The following FAR1 variants were observed in gnomAD, a reference collection of about 807,000 sequenced individuals.
The protein encoded by FAR1 is male sterility domain-containing protein 2.
In FAR1, 22 loss-of-function variants were observed where a neutral mutation model predicts 61.1. The ratio of observed to expected loss-of-function variants is 0.36; its 90% confidence interval spans 0.26 to 0.51. FAR1 has a LOEUF of 0.51. Ranked by LOEUF, FAR1 falls within the 20% of genes least tolerant of loss-of-function variation. The probability of loss-of-function intolerance (pLI) is 0.95; values close to 1 mark genes in which losing one functional copy is unlikely to be tolerated. For missense variants in FAR1, 359 were observed against 626.9 expected, an observed-to-expected ratio of 0.57 and a Z score of 4.56; for synonymous variants, 206 against 209.7, an observed-to-expected ratio of 0.98 and a Z score of 0.15.
At chr11:13,673,969 T>G (rs553125266) in intron 1 of FAR1, among the ~76,000 whole-genome samples, 131 of 152,326 alleles carry the variant, frequency 8.6e-4, no homozygotes, top group African/African-American at 2.5e-3. Flanking sequence ...TAACTCATTC[T>G]CTTTCATTAG....
chr11:13,719,873 T>C (rs1307271861), intron 9 of FAR1: 2 of 152,174 alleles, frequency 1.3e-5, no homozygotes, highest in African/African-American at 4.8e-5. Flanking sequence ...AGATCTTGCC[T>C]TACTCTAAAG....
At chr11:13,679,409 C>T (rs1166515064) in intron 1 of FAR1, among the ~76,000 whole-genome samples, 1 of 152,084 alleles carries the variant, frequency 6.6e-6, no homozygotes, top group Non-Finnish European at 1.5e-5. Flanking sequence ...CATGTTTTTG[C>T]AAGCAGCAGA....
intron 9 of FAR1, among the ~76,000 whole-genome samples, chr11:13,717,704 G>C (rs1312332930): frequency 2.0e-5 from 3 of 152,182 alleles, no homozygotes; most frequent in African/African-American, 4.8e-5. Context: ...AGGTTTAGCA[G>C]GACATGCGGT....
At chr11:13,713,901 G>C (rs2134193682) in intron 8 of FAR1, among the ~76,000 whole-genome samples, 1 of 151,932 alleles carries the variant, frequency 6.6e-6, no homozygotes, top group South Asian at 2.1e-4. Flanking sequence ...AGGTTTTTTT[G>C]TAATCTTTTA....
Position 13,712,010 on chromosome 11 carries a change from T to A in FAR1, c.851T>A (p.Met284Lys). 1 of 1,613,056 alleles carries A rather than the reference T, an allele frequency of 6.2e-7. No homozygotes were observed. The highest frequency in any genetic ancestry group is 8.5e-7 in the Non-Finnish European group (1 of 1,179,200). ...GTTCCTGTAGATGTAGTTGTCAACA[T>A]GAGTCTTGCGGCAGCCTGGTATTCC... ...DLVPVDVVVN[M>K]SLAAAWYSGV... Residue 284 changes from methionine to lysine, a missense_variant, in exon 7 of 12, where the codon ATG becomes AAG. Met to Lys is a moderately conservative substitution (Grantham distance 95). Transcript: ENST00000354817.
chr11:13,682,488 A>T (rs1229296841), intron 1 of FAR1, among the ~76,000 whole-genome samples: 2 of 152,164 alleles, frequency 1.3e-5, no homozygotes, highest in African/African-American at 4.8e-5. Context: ...AGAGCTGAGA[A>T]GTTGTTGCTG....
intron 5 of FAR1, 143 bp from the exon 6 acceptor site, chr11:13,711,621 T>A: frequency 3.0e-6 from 2 of 666,346 alleles, no homozygotes; most frequent in Non-Finnish European, 5.3e-6. Flanking sequence ...CTGGTAGAAA[T>A]AGTCTGGCCT....
chr11:13,716,936 C>T (rs1459394650), intron 9 of FAR1, among the ~76,000 whole-genome samples: 1 of 108,752 alleles, frequency 9.2e-6, no homozygotes, highest in African/African-American at 3.5e-5. Flanking sequence ...TGGTATCCCT[C>T]CCCCCTCCCC....
chr11:13,705,876 A>G (rs1034649574), intron 3 of FAR1, among the ~76,000 whole-genome samples: 1 of 152,048 alleles, frequency 6.6e-6, no homozygotes, highest in Non-Finnish European at 1.5e-5. Context: ...CTGTAACAGA[A>G]TATTCTCTGT....
chr11:13,699,870 G>GT (rs1357783791), intron 2 of FAR1, among the ~76,000 whole-genome samples: 5 of 152,194 alleles, frequency 3.3e-5, no homozygotes, highest in African/African-American at 1.2e-4. Context: ...TGTAAATCGT[G>GT]TTTTTTTCTA....
Position 13,694,755 on chromosome 11 carries a change from T to C in FAR1, c.-7-4T>C, listed in dbSNP as rs1371284602. The C allele has an allele frequency of 6.2e-7, 1 of 1,600,888 alleles. No individual in the cohort carries two copies. The highest frequency in any genetic ancestry group is 1.7e-5 in the Admixed American group (1 of 57,520). ...CTAATGCTTATTTGCCATGTTTTTC[T>C]TAGGATCAAAATGGTTTCAATCCCA... On this transcript the variant is annotated splice_polypyrimidine_tract_variant and splice_region_variant and intron_variant, in intron 1 of 11. Coordinates refer to ENST00000354817, the MANE Select transcript of FAR1 (RefSeq NM_032228.6).
intron 1 of FAR1, among the ~76,000 whole-genome samples, chr11:13,674,006 T>C (rs1848038199): frequency 6.6e-6 from 1 of 152,146 alleles, no homozygotes; most frequent in African/African-American, 2.4e-5. Flanking sequence ...CAGAAAAGCA[T>C]TATGATGTAG....
chr11:13,686,791 GA>G (rs1434150497), intron 1 of FAR1: 1 of 152,172 alleles, frequency 6.6e-6, no homozygotes, highest in African/African-American at 2.4e-5. Context: ...TAAAATTAAT[GA>G]AACAACATGA....
intron 9 of FAR1, among the ~76,000 whole-genome samples, chr11:13,718,974 T>C (rs2134197369): frequency 6.6e-6 from 1 of 152,218 alleles, no homozygotes; most frequent in South Asian, 2.1e-4. Flanking sequence ...GCATACACAG[T>C]GACTGAAGGC....
At chr11:13,702,537 T>C (rs1342138431) in intron 3 of FAR1, among the ~76,000 whole-genome samples, 11 of 152,190 alleles carry the variant, frequency 7.2e-5, no homozygotes, top group Admixed American at 7.2e-4. Context: ...ATTTCCAAGA[T>C]TGTGAATGTG....
At chr11:13,696,147 T>G (rs1848304294) in intron 2 of FAR1, among the ~76,000 whole-genome samples, 1 of 152,208 alleles carries the variant, frequency 6.6e-6, no homozygotes, top group East Asian at 1.9e-4. Context: ...TTTACTCATC[T>G]TGGCATTTTT....
Position 13,728,768 on chromosome 11 carries a change from A to G in FAR1, c.1542A>G (p.Arg514=), listed in dbSNP as rs759922153. The G allele has an allele frequency of 1.9e-6, 3 of 1,610,954 alleles. No homozygotes were observed. In the Admixed American group the frequency reaches 5.0e-5, roughly 27 times the overall value. The part of the protein sequence containing the change: ...LSYFRASSTM[R]Y ...ACTTCCGAGCATCCAGCACTATGAG[A>G]TACTGAAGACCAAGGATTCAGCATT... The change falls in exon 12 of 12, where the codon AGA becomes AGG. Residue 514 remains arginine (R), a synonymous_variant. Coordinates refer to ENST00000354817, the MANE Select transcript of FAR1 (RefSeq NM_032228.6).
intron 1 of FAR1, among the ~76,000 whole-genome samples, chr11:13,688,907 G>C (rs1331832862): frequency 6.6e-6 from 1 of 152,068 alleles, no homozygotes; most frequent in African/African-American, 2.4e-5. Context: ...TGATCCCTCT[G>C]TCTCAGCCTT....
intron 11 of FAR1, 97 bp downstream of exon 11, chr11:13,727,780 C>A: frequency 1.8e-6 from 2 of 1,115,368 alleles, no homozygotes; most frequent in Non-Finnish European, 2.5e-6. Context: ...ATCTGTCATT[C>A]AAAGATGCAG....
Sources: gnomAD v4.1 joint callset for allele counts (sites outside exome capture counted in the v4.1 genomes callset) on GRCh38, gnomAD v4.1.1 for gene constraint, MANE v1.5 for transcripts, NCBI Gene and HGNC (gene_info 2026-07-23, HGNC 2026-07-21) for gene names.